ADGRA3: variants seen among roughly 807,000 people sequenced by gnomAD.
The protein encoded by ADGRA3 is G-protein coupled receptor 125.
A neutral mutation model predicts 119.8 loss-of-function variants in ADGRA3; 56 were observed. The observed-to-expected ratio is 0.47, with a 90% CI of 0.38 to 0.58. The LOEUF is 0.58. Among genes scored for constraint, ADGRA3 ranks in the 20% least tolerant of loss-of-function variants. The pLI is 0.00. For missense variants in ADGRA3, 1,516 were observed against 1,649.0 expected (o/e 0.92, Z 1.40); for synonymous variants, 607 against 623.8 (o/e 0.97, Z 0.40).
At chr4:22,511,086 G>A (rs183075726) in intron 1 of ADGRA3, among the ~76,000 whole-genome samples, 6 of 152,270 alleles carry the variant, frequency 3.9e-5, no homozygotes, top group African/African-American at 1.2e-4. Context: ...AAACCTGGAG[G>A]TTATCTGACA....
Position 22,436,546 on chromosome 4 carries a change from C to G in ADGRA3, c.1181G>C (p.Arg394Thr). The G allele has an allele frequency of 1.2e-6, 2 of 1,613,964 alleles. No individual in the cohort carries two copies. Among genetic ancestry groups the G allele is most frequent in the Non-Finnish European group, 1.7e-6 (2 of 1,179,958 alleles). ...GIYPGNPQDE[R>T]KAWRRCDRGG... ...TCTATCACATCTGCGCCAAGCTTTT[C>G]TCTCATCCTGTGGGTTTCCGGGATA... Residue 394 changes from arginine to threonine, a missense_variant, in exon 9 of 19, where the codon AGA becomes ACA. Coordinates refer to ENST00000334304, the MANE Select transcript of ADGRA3 (RefSeq NM_145290.4).
intron 1 of ADGRA3, among the ~76,000 whole-genome samples, chr4:22,483,310 G>A (rs16872734): frequency 0.061 from 9,342 of 152,142 alleles, 321 homozygotes; most frequent in Middle Eastern, 0.13. Context: ...CAACATCTGT[G>A]CAATGAATTA....
intron 10 of ADGRA3, among the ~76,000 whole-genome samples, chr4:22,431,943 C>T (rs1452324439): frequency 6.6e-6 from 1 of 151,942 alleles, no homozygotes; most frequent in Non-Finnish European, 1.5e-5. Flanking sequence ...AGCATATGGT[C>T]AATTTGGTTT....
intron 10 of ADGRA3, among the ~76,000 whole-genome samples, chr4:22,430,932 G>A (rs544346148): frequency 1.3e-5 from 2 of 152,290 alleles, no homozygotes; most frequent in East Asian, 3.9e-4. Flanking sequence ...GTACAGCTTG[G>A]GCTGCTGCTT....
At chr4:22,513,845 CAAAAAAAAAA>C (rs59015584) in intron 1 of ADGRA3, among the ~76,000 whole-genome samples, 17 of 31,490 alleles carry the variant, frequency 5.4e-4, no homozygotes, top group Admixed American at 4.6e-4. Flanking sequence ...AGCTTTCAGG[CAAAAAAAAAA>C]AAAAAAAAAA....
At position 22,387,660 on chromosome 4, in the gene ADGRA3, A is replaced by G. The variant is rs2108987749; in HGVS notation, c.*45T>C. 6.5e-7 allele frequency: 1 copy of G among 1,530,090 alleles called. No individual in the cohort carries two copies. Among genetic ancestry groups the G allele is most frequent in the Non-Finnish European group, 8.8e-7 (1 of 1,133,538 alleles). 94.8% of individuals were successfully genotyped at this position (1,530,090 alleles called of 1,614,324 possible). ...AATGCTCATAGCTTCAAGGAATGTG[A>G]GTATCACAGTTTATATGAATTTCTG... On this transcript the variant is annotated 3_prime_UTR_variant, in exon 19 of 19. Transcript: ENST00000334304.
Position 22,461,814 on chromosome 4 carries a change from AAAAAT to A in ADGRA3, c.330-11_330-7del, listed in dbSNP as rs756494126. Reference sequence around the variant, plus strand: ...TAAGATTGTTTCGGAGGTCCCTGTTAAAAATAAAATAAAAGTTATTCACATATCAA... The same window carrying A: ...TAAGATTGTTTCGGAGGTCCCTGTTAAAAATAAAAGTTATTCACATATCAA... On this transcript the variant is annotated splice_region_variant and splice_polypyrimidine_tract_variant and intron_variant, in intron 2 of 18. Coordinates refer to ENST00000334304, the MANE Select transcript of ADGRA3 (RefSeq NM_145290.4). 5 of 1,591,012 alleles carry A rather than the reference AAAAAT, an allele frequency of 3.1e-6. No individual in the cohort carries two copies. The highest frequency in any genetic ancestry group is 1.3e-5 in the African/African-American group (1 of 74,410).
chr4:22,450,268 T>C (rs1194779254), intron 4 of ADGRA3, among the ~76,000 whole-genome samples: 3 of 102,352 alleles, frequency 2.9e-5, no homozygotes, highest in African/African-American at 1.2e-4. Flanking sequence ...TTTATGCTTC[T>C]TTTTTTTTTT....
chr4:22,446,593 C>T (rs1252082718), intron 5 of ADGRA3, among the ~76,000 whole-genome samples: 1 of 151,948 alleles, frequency 6.6e-6, no homozygotes, highest in Non-Finnish European at 1.5e-5. Flanking sequence ...CTGGTTGGGG[C>T]TCCTAATAGC....
At chr4:22,471,134 C>T (rs372933181) in intron 2 of ADGRA3, among the ~76,000 whole-genome samples, 1 of 152,122 alleles carries the variant, frequency 6.6e-6, no homozygotes, top group Non-Finnish European at 1.5e-5. Flanking sequence ...CAGGGAGCAC[C>T]GAGTGTCTCC....
chr4:22,397,628 A>G (rs926874635), intron 16 of ADGRA3, among the ~76,000 whole-genome samples: 15 of 152,110 alleles, frequency 9.9e-5, no homozygotes, highest in Admixed American at 9.2e-4. Context: ...CCTATCTGTC[A>G]TGGGAGGGAC....
chr4:22,479,576 A>C (rs562882299), intron 1 of ADGRA3, among the ~76,000 whole-genome samples: 1 of 152,316 alleles, frequency 6.6e-6, no homozygotes, highest in Admixed American at 6.5e-5. Context: ...ACCATTGTAG[A>C]AGACAGCATG....
In ADGRA3 at chr4:22,473,853, AC is replaced by A; in HGVS notation, c.258-11del. 6.4e-7 allele frequency: 1 copy of A among 1,573,980 alleles called. No individual in the cohort carries two copies. The highest frequency in any genetic ancestry group is 8.7e-7 in the Non-Finnish European group (1 of 1,149,194). ...ATTGTTACTCAGAATCCTAAAAAAT[AC>A]CAAAAAAATAATAAGTTGCCTAATA... is the stretch of plus-strand genomic sequence containing the variant. On this transcript the variant is annotated splice_polypyrimidine_tract_variant and intron_variant, in intron 1 of 18. Coordinates refer to ENST00000334304, the MANE Select transcript of ADGRA3 (RefSeq NM_145290.4).
chr4:22,390,412 T>TTATA (rs529129504), intron 17 of ADGRA3, among the ~76,000 whole-genome samples: 1 of 87,310 alleles, frequency 1.1e-5, no homozygotes, highest in Non-Finnish European at 2.0e-5. Flanking sequence ...AAAATACGTA[T>TTATA]TATATATATA....
At chr4:22,458,782 A>C (rs1717336021) in intron 3 of ADGRA3, among the ~76,000 whole-genome samples, 1 of 152,134 alleles carries the variant, frequency 6.6e-6, no homozygotes, top group Non-Finnish European at 1.5e-5. Flanking sequence ...CCTACCCCAG[A>C]CCAGCCAGCT....
chr4:22,416,117 C>G (rs1560305447), intron 12 of ADGRA3, among the ~76,000 whole-genome samples: 1 of 152,116 alleles, frequency 6.6e-6, no homozygotes, highest in Non-Finnish European at 1.5e-5. Context: ...TCATTATTTA[C>G]AGAAAGGTTG....
intron 2 of ADGRA3, among the ~76,000 whole-genome samples, chr4:22,469,028 C>T (rs1402674811): frequency 2.6e-5 from 4 of 151,932 alleles, no homozygotes; most frequent in African/African-American, 9.7e-5. Context: ...CCTATAAGAT[C>T]AAGGATCCAA....
chr4:22,498,341 G>T (rs764474662), intron 1 of ADGRA3, among the ~76,000 whole-genome samples: 3 of 152,014 alleles, frequency 2.0e-5, no homozygotes, highest in Non-Finnish European at 4.4e-5. Context: ...TAACATGGCC[G>T]GGTGCAGTGG....
Position 22,495,908 on chromosome 4 carries a change from C to CA in ADGRA3, c.257+19619dup, listed in dbSNP as rs1297158054. On this transcript the variant is annotated intron_variant, in intron 1 of 18. Coordinates refer to ENST00000334304, the MANE Select transcript of ADGRA3 (RefSeq NM_145290.4). Reference sequence around the variant, plus strand: ...TGGGGGACAGAGCAAGACTCCGTCTCAAAAAAAAAAAAAGTATCAGAGTTA... The same window carrying CA: ...TGGGGGACAGAGCAAGACTCCGTCTCAAAAAAAAAAAAAAGTATCAGAGTTA... Among the ~76,000 whole-genome samples the CA allele has an allele frequency of 5.1e-3, 580 of 114,800 alleles. 2 individuals are homozygous for CA. The highest frequency in any genetic ancestry group is 0.01 in the African/African-American group (317 of 30,572). 75.3% of individuals were successfully genotyped at this position (114,800 alleles called of 152,430 possible).
Sources: gnomAD v4.1 joint callset for allele counts (sites outside exome capture counted in the v4.1 genomes callset) on GRCh38, gnomAD v4.1.1 for gene constraint, MANE v1.5 for transcripts, NCBI Gene and HGNC (gene_info 2026-07-23, HGNC 2026-07-21) for gene names.